ZNF254: variants seen among roughly 807,000 people sequenced by gnomAD.
ZNF254 encodes zinc finger protein 254.
A neutral mutation model predicts 12.4 loss-of-function variants in ZNF254; 10 were observed. That is an observed-to-expected ratio of 0.80 (90% CI 0.50 to 1.36). The LOEUF (loss-of-function observed/expected upper bound fraction) is 1.36. Ranked by LOEUF, ZNF254 falls within the 40% of genes most tolerant of loss-of-function variation. The probability of loss-of-function intolerance (pLI) is 0.00; values close to 1 mark genes in which losing one functional copy is unlikely to be tolerated. For missense variants in ZNF254, 996 were observed against 763.9 expected (o/e 1.30, Z -3.58); for synonymous variants, 305 against 253.4 (o/e 1.20, Z -1.93).
intron 3 of ZNF254, among the ~76,000 whole-genome samples, chr19:24,113,962 A>C (rs1973871903): frequency 6.6e-6 from 1 of 152,096 alleles, no homozygotes; most frequent in Non-Finnish European, 1.5e-5. Flanking sequence ...TAGGAATCCA[A>C]CTTACAAGGG....
chr19:24,077,752 GT>G (rs1272033284), intron 2 of ZNF254, among the ~76,000 whole-genome samples: 2 of 152,122 alleles, frequency 1.3e-5, no homozygotes, highest in African/African-American at 2.4e-5. Flanking sequence ...TGATGGAGTG[GT>G]TTTTTTGGTC....
At position 24,034,785 on chromosome 19, in the gene ZNF254, CT is replaced by C. The variant is rs57891281; in HGVS notation, c.-190+1180del. ...AGCCACTGTGCCTGGCAAGAAGTTACTTTTTTTTTTTTTTTTGAGACGGAGT... is the reference window on the plus strand; with the variant it reads ...AGCCACTGTGCCTGGCAAGAAGTTACTTTTTTTTTTTTTTTGAGACGGAGT... On this transcript the variant is annotated intron_variant, in intron 1 of 4. Transcript: ENST00000613065. 9.2e-3 allele frequency among the ~76,000 whole-genome samples: 1,302 copies of C among 141,578 alleles called. 13 individuals are homozygous for C. The highest frequency in any genetic ancestry group is 0.03 in the African/African-American group (1,133 of 38,278). 92.9% of individuals were successfully genotyped at this position (141,578 alleles called of 152,430 possible).
At chr19:24,063,613 C>T (rs918108330) in intron 2 of ZNF254, among the ~76,000 whole-genome samples, 2 of 152,126 alleles carry the variant, frequency 1.3e-5, no homozygotes, top group African/African-American at 4.8e-5. Flanking sequence ...TATGTCTTCA[C>T]CAATCACCCT....
chr19:24,057,710 A>G (rs1970914003), intron 2 of ZNF254, among the ~76,000 whole-genome samples: 1 of 152,236 alleles, frequency 6.6e-6, no homozygotes, highest in Admixed American at 6.5e-5. Flanking sequence ...GTCCAAAGTT[A>G]AGTTGGTGAC....
intron 3 of ZNF254, among the ~76,000 whole-genome samples, chr19:24,110,098 C>A (rs1973576244): frequency 6.6e-6 from 1 of 151,934 alleles, no homozygotes; most frequent in Non-Finnish European, 1.5e-5. Context: ...CTTATTTTCA[C>A]CATGTGTTTA....
Position 24,087,261 on chromosome 19 carries a change from G to A in ZNF254, c.-47G>A. 6.2e-7 allele frequency: 1 copy of A among 1,612,370 alleles called. No homozygotes were observed. The highest frequency in any genetic ancestry group is 8.5e-7 in the Non-Finnish European group (1 of 1,178,930). On this transcript the variant is annotated 5_prime_UTR_variant, in exon 1 of 4. Coordinates refer to ENST00000357002, the MANE Select transcript of ZNF254 (RefSeq NM_203282.4). The stretch of plus-strand genomic sequence containing the variant: ...TGTGTCCTCTGCTCCTAGAGGCCCA[G>A]CCTCTGTGGCGCTGTTACCAGCAGG...
At chr19:24,121,549 T>G (rs774441810) in intron 3 of ZNF254, among the ~76,000 whole-genome samples, 2 of 152,108 alleles carry the variant, frequency 1.3e-5, no homozygotes, top group Non-Finnish European at 2.9e-5. Context: ...CCTGTATAAA[T>G]GTTATCTTTT....
intron 2 of ZNF254, among the ~76,000 whole-genome samples, chr19:24,057,509 A>T (rs2100150339): frequency 6.6e-6 from 1 of 152,230 alleles, no homozygotes; most frequent in African/African-American, 2.4e-5. Context: ...TGGGAACCTT[A>T]TAAATTCCTC....
Position 24,128,099 on chromosome 19 carries a change from A to G in ZNF254, c.*119A>G. On this transcript the variant is annotated 3_prime_UTR_variant, in exon 4 of 4. Coordinates refer to ENST00000357002, the MANE Select transcript of ZNF254 (RefSeq NM_203282.4). ...TGCTTTTGACAGTACCTAAAACTTT[A>G]AAGAAAATCATTCTGCTGAAAAATC... 1 of 1,025,032 alleles carries G rather than the reference A, an allele frequency of 9.8e-7. No homozygotes were observed. Among genetic ancestry groups the G allele is most frequent in the South Asian group, 2.8e-5 (1 of 35,098 alleles). The allele number at this position is 1,025,032 out of a possible 1,614,324, so 63.5% of individuals were successfully genotyped here. A position where few individuals can be genotyped will look rare whatever the true frequency, so the allele number is the denominator to read the frequency against.
intron 2 of ZNF254, among the ~76,000 whole-genome samples, chr19:24,081,115 T>C (rs1449668015): frequency 6.6e-6 from 1 of 151,844 alleles, no homozygotes; most frequent in African/African-American, 2.4e-5. Flanking sequence ...TCTTCTGGAC[T>C]GCTTACTCTG....
At chr19:24,085,750 C>A, upstream of ZNF254, among the ~76,000 whole-genome samples, 1 of 150,462 alleles carries the variant, frequency 6.6e-6, no homozygotes, top group African/African-American at 2.4e-5. Flanking sequence ...TCAGCCTGGG[C>A]GAAAGAGCAA....
At chr19:24,072,425 G>A (rs1234214784) in intron 2 of ZNF254, among the ~76,000 whole-genome samples, 1 of 152,078 alleles carries the variant, frequency 6.6e-6, no homozygotes, top group East Asian at 1.9e-4. Context: ...ACCTGCCTCC[G>A]CCTCCCAAAG....
Position 24,127,885 on chromosome 19 carries a change from C to T in ZNF254, c.1885C>T (p.Pro629Ser). The change falls in exon 4 of 4, where the codon CCC (proline) becomes TCC (serine). Residue 629 changes from proline to serine, a missense_variant. Physicochemically the swap from Pro to Ser is moderately conservative, Grantham distance 74. Transcript: ENST00000357002. ...KHKRIHTGEQ[P>S]YKWEKFGKAF... ...TAAGAGAATTCATACTGGAGAGCAA[C>T]CCTACAAATGGGAAAAATTTGGCAA... 6.2e-7 allele frequency: 1 copy of T among 1,612,984 alleles called. No homozygotes were observed.
upstream of ZNF254, among the ~76,000 whole-genome samples, chr19:24,083,471 T>C (rs1203347247): frequency 7.9e-5 from 12 of 151,914 alleles, no homozygotes; most frequent in African/African-American, 2.2e-4. Context: ...CTAAAATTCA[T>C]ATGAAACAAA....
chr19:24,070,135 T>G (rs1029424910), intron 2 of ZNF254, among the ~76,000 whole-genome samples: 1 of 152,156 alleles, frequency 6.6e-6, no homozygotes, highest in Non-Finnish European at 1.5e-5. Context: ...AGATGAGGAC[T>G]CTCCTATATT....
chr19:24,044,305 G>C (rs1020246454), intron 1 of ZNF254, among the ~76,000 whole-genome samples: 1 of 151,770 alleles, frequency 6.6e-6, no homozygotes, highest in Non-Finnish European at 1.5e-5. Flanking sequence ...TTGGGAGGCC[G>C]AGGCGGGTGG....
At chr19:24,074,676 G>A (rs1219209039) in intron 2 of ZNF254, among the ~76,000 whole-genome samples, 3 of 152,084 alleles carry the variant, frequency 2.0e-5, no homozygotes, top group African/African-American at 4.8e-5. Flanking sequence ...CTTCTTTCTG[G>A]GGCCTGTCCA....
At chr19:24,050,950 C>T (rs981150140) in intron 2 of ZNF254, among the ~76,000 whole-genome samples, 1 of 152,062 alleles carries the variant, frequency 6.6e-6, no homozygotes. Context: ...GAGCCGCCTG[C>T]CTTGGCCTCC....
At chr19:24,053,732 C>T (rs544508442) in intron 2 of ZNF254, among the ~76,000 whole-genome samples, 27 of 152,142 alleles carry the variant, frequency 1.8e-4, no homozygotes, top group Admixed American at 3.9e-4. Flanking sequence ...ATGTGAATCT[C>T]CTGCATGGGC....
Sources: allele counts gnomAD v4.1 joint callset (sites outside exome capture counted in the v4.1 genomes callset), GRCh38; gene constraint gnomAD v4.1.1; transcripts MANE v1.5; gene names NCBI Gene and HGNC (gene_info 2026-07-23, HGNC 2026-07-21).